STEAP1B: variants seen among roughly 807,000 people sequenced by gnomAD.
The protein encoded by STEAP1B is STEAP family member 1B.
A neutral mutation model predicts 27.9 loss-of-function variants in STEAP1B; 13 were observed. The ratio of observed to expected loss-of-function variants is 0.47; its 90% CI spans 0.30 to 0.74. The LOEUF (loss-of-function observed/expected upper bound fraction) is 0.74. Among genes scored for constraint, STEAP1B ranks in the 30% least tolerant of loss-of-function variants. The pLI, the probability that STEAP1B is intolerant of heterozygous loss-of-function variation, is 0.06. For synonymous variants in STEAP1B, 86 were observed against 107.1 expected (o/e 0.80, Z 1.22); for missense variants, 250 against 298.7 (o/e 0.84, Z 1.20).
intron 4 of STEAP1B, chr7:22,438,582 A>T: frequency 6.4e-7 from 1 of 1,552,210 alleles, no homozygotes; most frequent in South Asian, 1.2e-5. Flanking sequence ...TTCCCTTTGA[A>T]GGGCTGGCTG....
At chr7:22,481,319 G>C (rs971778774) in intron 4 of STEAP1B, among the ~76,000 whole-genome samples, 1 of 152,204 alleles carries the variant, frequency 6.6e-6, no homozygotes, top group Non-Finnish European at 1.5e-5. Context: ...ATTCAAATCT[G>C]AGCTCTGCCA....
chr7:22,487,242 T>C (rs1786225712), intron 4 of STEAP1B, among the ~76,000 whole-genome samples: 1 of 151,860 alleles, frequency 6.6e-6, no homozygotes, highest in South Asian at 2.1e-4. Context: ...GGGGCTGCAG[T>C]GAGCTGTGAT....
intron 4 of STEAP1B, among the ~76,000 whole-genome samples, chr7:22,435,733 C>T (rs1389029158): frequency 5.3e-5 from 8 of 152,274 alleles, no homozygotes; most frequent in East Asian, 1.9e-4. Context: ...CGATACGCAC[C>T]GTGGGCAGAG....
intron 4 of STEAP1B, among the ~76,000 whole-genome samples, chr7:22,486,684 C>T (rs1277414322): frequency 6.6e-6 from 1 of 152,130 alleles, no homozygotes; most frequent in African/African-American, 2.4e-5. Context: ...ACATCCCTTC[C>T]TGCCCACCTT....
At chr7:22,445,471 C>T (rs1785395883) in intron 4 of STEAP1B, among the ~76,000 whole-genome samples, 1 of 152,270 alleles carries the variant, frequency 6.6e-6, no homozygotes. Context: ...GAGAACCGGG[C>T]AGGAACTGGC....
At chr7:22,487,354 C>G (rs138476758) in intron 4 of STEAP1B, among the ~76,000 whole-genome samples, 118 of 152,264 alleles carry the variant, frequency 7.7e-4, no homozygotes, top group African/African-American at 2.7e-3. Context: ...AAATTTACAT[C>G]TGATTCACTG....
At chr7:22,473,596 C>T (rs781379499) in intron 4 of STEAP1B, among the ~76,000 whole-genome samples, 3 of 152,156 alleles carry the variant, frequency 2.0e-5, no homozygotes, top group Admixed American at 6.5e-5. Flanking sequence ...TCAAAAACAG[C>T]CAGATTTTCT....
intron 4 of STEAP1B, among the ~76,000 whole-genome samples, chr7:22,450,106 C>T (rs986528367): frequency 2.0e-5 from 3 of 151,994 alleles, no homozygotes; most frequent in African/African-American, 7.3e-5. Context: ...TTTGTTGTGT[C>T]CTTTGCAGTA....
intron 4 of STEAP1B, chr7:22,438,700 G>A (rs1326415789): frequency 1.2e-5 from 18 of 1,551,704 alleles, no homozygotes; most frequent in Non-Finnish European, 1.6e-5. Flanking sequence ...TTGTGTCTTG[G>A]CCAGTTTAGT....
intron 4 of STEAP1B, among the ~76,000 whole-genome samples, chr7:22,439,928 C>A (rs2528846): frequency 0.58 from 88,385 of 151,894 alleles, 26,674 homozygotes; most frequent in East Asian, 0.8. Context: ...TCAGCTTGGG[C>A]GTACACATTT....
At chr7:22,420,343 C>T (rs1014931459) in intron 4 of STEAP1B, among the ~76,000 whole-genome samples, 2 of 152,180 alleles carry the variant, frequency 1.3e-5, no homozygotes, top group East Asian at 3.8e-4. Flanking sequence ...GATGATAAAG[C>T]ACTCAGCCCA....
At chr7:22,467,367 C>A (rs1785803246) in intron 4 of STEAP1B, among the ~76,000 whole-genome samples, 1 of 152,196 alleles carries the variant, frequency 6.6e-6, no homozygotes, top group African/African-American at 2.4e-5. Flanking sequence ...AGGGCTGGAT[C>A]TCTGGGGGTG....
intron 4 of STEAP1B, among the ~76,000 whole-genome samples, chr7:22,426,934 T>C (rs147836992): frequency 0.015 from 2,232 of 152,306 alleles, 26 homozygotes; most frequent in South Asian, 0.067. Flanking sequence ...GAAGGACTGC[T>C]GGATAATAAT....
intron 4 of STEAP1B, among the ~76,000 whole-genome samples, chr7:22,461,806 A>C (rs918984345): frequency 2.0e-5 from 3 of 152,212 alleles, no homozygotes; most frequent in African/African-American, 7.2e-5. Context: ...CAGGTGTTAA[A>C]CCAGATGTAA....
chr7:22,448,688 G>T (rs1007058071), intron 4 of STEAP1B, among the ~76,000 whole-genome samples: 1 of 151,800 alleles, frequency 6.6e-6, no homozygotes, highest in Non-Finnish European at 1.5e-5. Flanking sequence ...TTTGAACACA[G>T]AAAGCAAGAT....
At chr7:22,491,431 C>T (rs1786319523) in intron 4 of STEAP1B, among the ~76,000 whole-genome samples, 1 of 152,072 alleles carries the variant, frequency 6.6e-6, no homozygotes, top group Admixed American at 6.5e-5. Flanking sequence ...AGCAGTTCAT[C>T]ATTATTTAAG....
chr7:22,472,858 C>T (rs747053380), intron 4 of STEAP1B, among the ~76,000 whole-genome samples: 22 of 152,194 alleles, frequency 1.4e-4, no homozygotes, highest in Non-Finnish European at 2.4e-4. Context: ...GGGAGATTTA[C>T]GTCTGACTTG....
intron 4 of STEAP1B, among the ~76,000 whole-genome samples, chr7:22,441,803 G>A (rs930005810): frequency 3.2e-4 from 48 of 152,232 alleles, no homozygotes; most frequent in African/African-American, 1.1e-3. Context: ...ACTGTGATGT[G>A]AATTTGCACA....
At chr7:22,457,745 C>T (rs777284055) in intron 4 of STEAP1B, among the ~76,000 whole-genome samples, 1 of 152,304 alleles carries the variant, frequency 6.6e-6, no homozygotes, top group South Asian at 2.1e-4. Flanking sequence ...AACTAGAAAA[C>T]CTATGGGAAA....
Sources: allele counts gnomAD v4.1 joint callset (sites outside exome capture counted in the v4.1 genomes callset), GRCh38; gene constraint gnomAD v4.1.1; transcripts MANE v1.5; gene names NCBI Gene and HGNC (gene_info 2026-07-23, HGNC 2026-07-21).